The following ELAVL2 variants were observed in gnomAD, a reference collection of about 807,000 sequenced individuals.
ELAVL2 encodes ELAV like RNA binding protein 2.
ELAVL2 carries 4 observed loss-of-function variants against 34.6 expected under a neutral mutation model. The observed-to-expected ratio is 0.12, with a 90% CI of 0.06 to 0.26. ELAVL2 has a LOEUF of 0.26. Ranked by LOEUF, ELAVL2 falls within the 10% of genes least tolerant of loss-of-function variation. The probability of loss-of-function intolerance (pLI) is 1.00; values close to 1 mark genes in which losing one functional copy is unlikely to be tolerated. For synonymous variants in ELAVL2, 193 were observed against 154.8 expected (o/e 1.25, Z -1.83); for missense variants, 432 against 442.8 (o/e 0.98, Z 0.22).
intron 3 of ELAVL2, among the ~76,000 whole-genome samples, chr9:23,715,853 T>TA (rs1345540259): frequency 2.0e-5 from 3 of 151,988 alleles, no homozygotes; most frequent in Non-Finnish European, 4.4e-5. Flanking sequence ...TGTCTTAGAA[T>TA]AAAAAACAAC....
intron 2 of ELAVL2, among the ~76,000 whole-genome samples, chr9:23,748,204 GA>G (rs1183397533): frequency 6.6e-6 from 1 of 150,960 alleles, no homozygotes; most frequent in Non-Finnish European, 1.5e-5. Context: ...GGAAGGGGGA[GA>G]AAAAAATGGA....
intron 1 of ELAVL2, among the ~76,000 whole-genome samples, chr9:23,800,599 T>C (rs1472032391): frequency 6.6e-6 from 1 of 152,226 alleles, no homozygotes; most frequent in African/African-American, 2.4e-5. Flanking sequence ...ACATAGGTCA[T>C]TATCCCCAAC....
intron 2 of ELAVL2, among the ~76,000 whole-genome samples, chr9:23,754,224 A>G (rs1409014708): frequency 2.0e-5 from 3 of 152,180 alleles, no homozygotes; most frequent in Non-Finnish European, 4.4e-5. Context: ...ACAAATCTGG[A>G]TGATTAATGA....
chr9:23,795,760 T>C (rs1182819032), intron 1 of ELAVL2, among the ~76,000 whole-genome samples: 1 of 152,180 alleles, frequency 6.6e-6, no homozygotes, highest in African/African-American at 2.4e-5. Flanking sequence ...CCTTTGTTCA[T>C]CACAAAGCTG....
At chr9:23,850,094 A>C in the ELAVL2 span, among the ~76,000 whole-genome samples, 1 of 150,798 alleles carries the variant, frequency 6.6e-6, no homozygotes, top group African/African-American at 2.4e-5. Flanking sequence ...CGCACGGTTC[A>C]GAACATACCG....
At position 23,711,592 on chromosome 9, in the gene ELAVL2, A is replaced by C. The variant is rs1010417757; in HGVS notation, c.334-6521T>G. The stretch of plus-strand genomic sequence containing the variant: ...CAATCAGCTAAATTTCAGTCATTTC[A>C]GACACCTCATGGGTATCACCTAGTC... On this transcript the variant is annotated intron_variant, in intron 3 of 6. Coordinates refer to ENST00000397312, the MANE Select transcript of ELAVL2 (RefSeq NM_004432.5). Among the ~76,000 whole-genome samples, 41 of 152,180 alleles carry C rather than the reference A, an allele frequency of 2.7e-4. 1 individual carries two copies. The highest frequency in any genetic ancestry group is 1.3e-4 in the Admixed American group (2 of 15,272).
chr9:23,772,574 A>C (rs1266539093), intron 1 of ELAVL2, among the ~76,000 whole-genome samples: 1 of 150,696 alleles, frequency 6.6e-6, no homozygotes, highest in African/African-American at 2.4e-5. Context: ...TAAAATGTCA[A>C]CCAACAAGAT....
At chr9:23,771,913 T>G (rs13302276) in intron 1 of ELAVL2, among the ~76,000 whole-genome samples, 4,588 of 152,264 alleles carry the variant, frequency 0.03, 82 homozygotes, top group East Asian at 0.07. Context: ...ATCATTACCT[T>G]CTGGTGATGA....
At chr9:23,763,576 T>C (rs1019942432) in intron 1 of ELAVL2, among the ~76,000 whole-genome samples, 1 of 151,804 alleles carries the variant, frequency 6.6e-6, no homozygotes, top group Admixed American at 6.6e-5. Context: ...AAAAGCAAAG[T>C]AAAGGGAAAG....
At chr9:23,788,983 A>G (rs958774091) in intron 1 of ELAVL2, among the ~76,000 whole-genome samples, 3 of 152,200 alleles carry the variant, frequency 2.0e-5, no homozygotes, top group Non-Finnish European at 4.4e-5. Context: ...ATGGAAAGCG[A>G]AACTGTGGGT....
rs932384938 is a variant in ELAVL2 at position 23,762,398 on chromosome 9, A to C, written c.-15-149T>G. 4.1e-6 allele frequency: 4 copies of C among 971,460 alleles called. No homozygotes were observed. The African/African-American group carries it at 4.9e-5, about 12-fold the overall frequency. The allele number at this position is 971,460 out of a possible 1,614,324, so 60.2% of individuals were successfully genotyped here. On this transcript the variant is annotated intron_variant, in intron 1 of 6. Coordinates refer to ENST00000397312, the MANE Select transcript of ELAVL2 (RefSeq NM_004432.5). ...CAACAAAAAGTGTAATACCTACACT[A>C]ATTTTCACTTCATATTAACCTATTC...
chr9:23,840,689 C>T, the ELAVL2 span, among the ~76,000 whole-genome samples: 2 of 152,112 alleles, frequency 1.3e-5, no homozygotes, highest in Non-Finnish European at 2.9e-5. Flanking sequence ...TAAAATGAAA[C>T]AACATGTGAG....
chr9:23,719,373 C>A (rs928147909), intron 3 of ELAVL2, among the ~76,000 whole-genome samples: 4 of 152,146 alleles, frequency 2.6e-5, no homozygotes, highest in African/African-American at 9.7e-5. Context: ...TGTTTTTACC[C>A]CTCACCTTCA....
chr9:23,845,907 T>G, the ELAVL2 span, among the ~76,000 whole-genome samples: 4,728 of 151,872 alleles, frequency 0.031, 249 homozygotes, highest in African/African-American at 0.11. Context: ...TCTTCTCAGG[T>G]GAAAAGTGAA....
chr9:23,850,525 C>A, the ELAVL2 span, among the ~76,000 whole-genome samples: 1 of 151,946 alleles, frequency 6.6e-6, no homozygotes, highest in South Asian at 2.1e-4. Context: ...CGGCTGGGTG[C>A]ACCTCATTAA....
intron 1 of ELAVL2, among the ~76,000 whole-genome samples, chr9:23,776,919 T>A (rs770885231): frequency 1.2e-4 from 18 of 152,126 alleles, no homozygotes; most frequent in Non-Finnish European, 1.9e-4. Flanking sequence ...AACATTAAAG[T>A]GGACTTCTGC....
At chr9:23,718,292 G>GC (rs2042816556) in intron 3 of ELAVL2, among the ~76,000 whole-genome samples, 1 of 152,054 alleles carries the variant, frequency 6.6e-6, no homozygotes, top group Admixed American at 6.5e-5. Context: ...CAATCTGCAA[G>GC]CCCTATCTAC....
At chr9:23,727,821 C>A (rs538304634) in intron 3 of ELAVL2, among the ~76,000 whole-genome samples, 132 of 152,180 alleles carry the variant, frequency 8.7e-4, no homozygotes, top group African/African-American at 3.1e-3. Flanking sequence ...AACTACTGCA[C>A]AAAACCCTAC....
intron 5 of ELAVL2, among the ~76,000 whole-genome samples, chr9:23,695,770 G>C (rs1347243687): frequency 6.6e-6 from 1 of 152,100 alleles, no homozygotes; most frequent in Non-Finnish European, 1.5e-5. Flanking sequence ...CACAATATTA[G>C]GATGACTATG....
Sources: gnomAD v4.1 joint callset for allele counts (sites outside exome capture counted in the v4.1 genomes callset) on GRCh38, gnomAD v4.1.1 for gene constraint, MANE v1.5 for transcripts, NCBI Gene and HGNC (gene_info 2026-07-23, HGNC 2026-07-21) for gene names.